PTPRD: variants seen among roughly 807,000 people sequenced by gnomAD.
PTPRD encodes the protein receptor-type tyrosine-protein phosphatase delta.
Under a neutral mutation model 214.5 loss-of-function variants are expected in PTPRD, and 34 were observed. The ratio of observed to expected loss-of-function variants is 0.16; its 90% CI spans 0.12 to 0.21. The LOEUF (loss-of-function observed/expected upper bound fraction) is 0.21. Among genes scored for constraint, PTPRD ranks in the 10% least tolerant of loss-of-function variants. The pLI, the probability that PTPRD is intolerant of heterozygous loss-of-function variation, is 1.00. For missense variants in PTPRD, 2,545 were observed against 2,398.7 expected, an observed-to-expected ratio of 1.06 and a Z score of -1.27; for synonymous variants, 1,128 against 845.7, an observed-to-expected ratio of 1.33 and a Z score of -5.79.
At chr9:10,282,380 G>A (rs1712659206) in intron 3 of PTPRD, among the ~76,000 whole-genome samples, 1 of 152,102 alleles carries the variant, frequency 6.6e-6, no homozygotes, top group African/African-American at 2.4e-5. Flanking sequence ...TGTCTGAAAA[G>A]AAACAAGGAT....
At chr9:8,631,678 T>C (rs1189637585) in intron 14 of PTPRD, among the ~76,000 whole-genome samples, 1 of 151,848 alleles carries the variant, frequency 6.6e-6, no homozygotes, top group East Asian at 1.9e-4. Context: ...TCTCAACTTA[T>C]TTTATATACG....
At chr9:8,671,793 C>A (rs1267427643) in intron 12 of PTPRD, among the ~76,000 whole-genome samples, 1 of 152,148 alleles carries the variant, frequency 6.6e-6, no homozygotes, top group Non-Finnish European at 1.5e-5. Flanking sequence ...GCGTGCCTTT[C>A]TTGTGGTTCC....
chr9:8,683,748 G>C (rs1156379315), intron 12 of PTPRD, among the ~76,000 whole-genome samples: 1 of 152,192 alleles, frequency 6.6e-6, no homozygotes, highest in East Asian at 1.9e-4. Context: ...TGCTATGTGA[G>C]TTCCCAGCTA....
At chr9:8,518,744 G>C (rs971351162) in intron 20 of PTPRD, among the ~76,000 whole-genome samples, 1 of 152,056 alleles carries the variant, frequency 6.6e-6, no homozygotes, top group Non-Finnish European at 1.5e-5. Flanking sequence ...TGTGGAAATG[G>C]GAAAAATATT....
In PTPRD at chr9:9,925,736, G is replaced by C. The variant is rs532393881; in HGVS notation, c.-368+12771C>G. On this transcript the variant is annotated intron_variant, in intron 5 of 45. Transcript: ENST00000381196. Reference sequence around the variant, plus strand: ...CGTGTCTCAAAAAATTTTCTTCTATGCACCTTTTTTCCTTTTATCTTTGTT... The same window carrying C: ...CGTGTCTCAAAAAATTTTCTTCTATCCACCTTTTTTCCTTTTATCTTTGTT... Among the ~76,000 whole-genome samples the C allele has an allele frequency of 7.3e-4, 111 of 151,828 alleles. 1 individual carries two copies. The highest frequency in any genetic ancestry group is 2.6e-3 in the African/African-American group (107 of 41,352).
chr9:10,483,480 G>A (rs1347499664), intron 2 of PTPRD, among the ~76,000 whole-genome samples: 1 of 151,644 alleles, frequency 6.6e-6, no homozygotes, highest in Non-Finnish European at 1.5e-5. Context: ...AATCGTCAGG[G>A]TAAAGAGAGA....
chr9:9,292,801 C>G (rs186188264), intron 9 of PTPRD, among the ~76,000 whole-genome samples: 48 of 151,406 alleles, frequency 3.2e-4, no homozygotes, highest in Non-Finnish European at 6.1e-4. Flanking sequence ...GAGTACTGAT[C>G]AGGCATTATA....
chr9:8,833,273 G>A (rs941668614), intron 11 of PTPRD, among the ~76,000 whole-genome samples: 7 of 152,126 alleles, frequency 4.6e-5, no homozygotes, highest in African/African-American at 1.7e-4. Context: ...GAGGTTATTA[G>A]CATTGATTTG....
rs141436985 is a variant in PTPRD at position 10,608,430 on chromosome 9, A to G, written c.-600+3968T>C. ...CACTCCAAATAAACATTCAATCTCA[A>G]TCTACGTAACAAGAGTGTCCAGGCA... On this transcript the variant is annotated intron_variant, in intron 2 of 45. Coordinates refer to ENST00000381196, the MANE Select transcript of PTPRD (RefSeq NM_002839.4). 7.8e-3 allele frequency among the ~76,000 whole-genome samples: 1,190 copies of G among 152,084 alleles called. 18 individuals are homozygous for G. Among genetic ancestry groups the G allele is most frequent in the African/African-American group, 0.027 (1,122 of 41,524 alleles).
chr9:10,563,071 A>G (rs183377883), intron 2 of PTPRD, among the ~76,000 whole-genome samples: 1 of 152,314 alleles, frequency 6.6e-6, no homozygotes, highest in East Asian at 1.9e-4. Context: ...CTATCCTTCA[A>G]ATATTCCCTA....
At chr9:8,873,223 G>C (rs919443369) in intron 11 of PTPRD, among the ~76,000 whole-genome samples, 8 of 152,104 alleles carry the variant, frequency 5.3e-5, no homozygotes, top group African/African-American at 1.4e-4. Flanking sequence ...AATAAATATT[G>C]AATGAAGGAA....
chr9:9,508,070 T>C (rs972343473), intron 8 of PTPRD, among the ~76,000 whole-genome samples: 3 of 151,654 alleles, frequency 2.0e-5, no homozygotes, highest in Admixed American at 1.3e-4. Flanking sequence ...TTTAATAATT[T>C]ATAAGAAATG....
intron 14 of PTPRD, among the ~76,000 whole-genome samples, chr9:8,581,696 G>C (rs927512897): frequency 6.6e-6 from 1 of 151,634 alleles, no homozygotes; most frequent in East Asian, 2.0e-4. Context: ...GCAGTGAGCC[G>C]AGATCCCGCT....
At chr9:10,461,191 A>G (rs553075387) in intron 2 of PTPRD, among the ~76,000 whole-genome samples, 1 of 149,416 alleles carries the variant, frequency 6.7e-6, no homozygotes, top group South Asian at 2.2e-4. Flanking sequence ...AACTCTATAT[A>G]TCCTCATAAC....
At chr9:8,993,576 A>G (rs2099385787) in intron 11 of PTPRD, among the ~76,000 whole-genome samples, 1 of 152,158 alleles carries the variant, frequency 6.6e-6, no homozygotes, top group South Asian at 2.1e-4. Context: ...ATATATTTGG[A>G]TCAAAATTTT....
chr9:9,368,809 T>C (rs1376561180), intron 9 of PTPRD, among the ~76,000 whole-genome samples: 1 of 151,946 alleles, frequency 6.6e-6, no homozygotes, highest in Non-Finnish European at 1.5e-5. Context: ...GTGCACAACG[T>C]GCAGGTTACA....
At chr9:9,214,568 A>C (rs1044873800) in intron 9 of PTPRD, among the ~76,000 whole-genome samples, 1 of 151,904 alleles carries the variant, frequency 6.6e-6, no homozygotes, top group African/African-American at 2.4e-5. Flanking sequence ...CTCAATGAGG[A>C]GAAAGCAAAT....
intron 8 of PTPRD, among the ~76,000 whole-genome samples, chr9:9,500,772 C>A (rs1023145078): frequency 1.3e-5 from 2 of 151,842 alleles, no homozygotes; most frequent in African/African-American, 4.8e-5. Flanking sequence ...TCTTAAAAGA[C>A]AGATGAATGT....
chr9:9,610,258 G>C (rs947812099), intron 7 of PTPRD, among the ~76,000 whole-genome samples: 1 of 152,030 alleles, frequency 6.6e-6, no homozygotes, highest in African/African-American at 2.4e-5. Context: ...ACATTATGCA[G>C]CCATTAAACA....
Sources: allele counts gnomAD v4.1 joint callset (sites outside exome capture counted in the v4.1 genomes callset), GRCh38; gene constraint gnomAD v4.1.1; transcripts MANE v1.5; gene names NCBI Gene and HGNC (gene_info 2026-07-23, HGNC 2026-07-21).